Variants in SLC12A8 observed in about 807,000 individuals in gnomAD.
The protein encoded by SLC12A8 is solute carrier family 12 member 8.
In SLC12A8, 69 loss-of-function variants were observed where a neutral mutation model predicts 75.6. The observed-to-expected ratio is 0.91, with a 90% CI of 0.75 to 1.11. The LOEUF (loss-of-function observed/expected upper bound fraction) is 1.11. SLC12A8 is among the 50% of genes most tolerant of loss of function. SLC12A8 has a pLI of 0.00. For missense variants in SLC12A8, 877 were observed against 896.7 expected (o/e 0.98, Z 0.28); for synonymous variants, 365 against 372.8 (o/e 0.98, Z 0.24).
At chr3:125,171,926 T>TA (rs1274525303) in intron 5 of SLC12A8, among the ~76,000 whole-genome samples, 1,016 of 1,720 alleles carry the variant, frequency 0.59, 359 homozygotes, top group Middle Eastern at 1. Flanking sequence ...AAAAAAAAAT[T>TA]AAAAAAAAAA....
chr3:125,160,947 T>C (rs1298653536), intron 5 of SLC12A8, among the ~76,000 whole-genome samples: 1 of 152,218 alleles, frequency 6.6e-6, no homozygotes, highest in East Asian at 1.9e-4. Context: ...AGATTCCACA[T>C]GCCCGGGTTC....
intron 5 of SLC12A8, among the ~76,000 whole-genome samples, chr3:125,152,557 C>T (rs1933952868): frequency 6.6e-6 from 1 of 152,078 alleles, no homozygotes; most frequent in East Asian, 1.9e-4. Flanking sequence ...TAATAAAACC[C>T]CAAAATTATT....
At chr3:125,159,074 G>A (rs1934108026) in intron 5 of SLC12A8, among the ~76,000 whole-genome samples, 1 of 152,110 alleles carries the variant, frequency 6.6e-6, no homozygotes, top group African/African-American at 2.4e-5. Context: ...AGAGATATAC[G>A]AATACACCTT....
intron 6 of SLC12A8, among the ~76,000 whole-genome samples, chr3:125,135,101 G>A (rs1400469063): frequency 6.6e-6 from 1 of 152,228 alleles, no homozygotes; most frequent in African/African-American, 2.4e-5. Context: ...CTGCAGAGCA[G>A]GAACTTGGGG....
intron 6 of SLC12A8, among the ~76,000 whole-genome samples, chr3:125,131,110 CCT>C (rs1933345647): frequency 6.6e-6 from 1 of 152,174 alleles, no homozygotes; most frequent in South Asian, 2.1e-4. Context: ...TGTTTAATTC[CCT>C]CTGTTTTTCC....
intron 2 of SLC12A8, among the ~76,000 whole-genome samples, chr3:125,195,801 A>G (rs2137599): frequency 0.38 from 56,937 of 151,824 alleles, 10,850 homozygotes; most frequent in Non-Finnish European, 0.41. Context: ...TGGAAATCTG[A>G]TGTCGTCTGG....
intron 5 of SLC12A8, among the ~76,000 whole-genome samples, chr3:125,158,943 A>G (rs536089398): frequency 1.1e-4 from 16 of 152,180 alleles, no homozygotes; most frequent in Non-Finnish European, 2.2e-4. Context: ...TCTGTTTACA[A>G]AGCACTATTC....
rs1579485690 is a variant in SLC12A8 at position 125,121,495 on chromosome 3, T to C, written c.737-809A>G. 3.9e-5 allele frequency among the ~76,000 whole-genome samples: 6 copies of C among 152,308 alleles called. No homozygotes were observed. The South Asian group carries it at 1.2e-3, about 32-fold the overall frequency. On this transcript the variant is annotated intron_variant, in intron 6 of 13. Coordinates refer to ENST00000469902, the MANE Select transcript of SLC12A8 (RefSeq NM_024628.6). ...TTGAATGTGGCCTTGAAAGAGGGAT[T>C]TGAATGGGCTTAGGGATGGGAATGA...
intron 10 of SLC12A8, among the ~76,000 whole-genome samples, chr3:125,100,961 C>T (rs865884329): frequency 1.5e-5 from 2 of 133,188 alleles, no homozygotes; most frequent in Non-Finnish European, 3.1e-5. Context: ...TGCAGTGAGC[C>T]GAGATTGCGC....
At chr3:125,189,091 T>C (rs1472622676) in intron 3 of SLC12A8, among the ~76,000 whole-genome samples, 4 of 152,230 alleles carry the variant, frequency 2.6e-5, no homozygotes, top group Non-Finnish European at 5.9e-5. Flanking sequence ...CAGATGTGAT[T>C]AATATTTACT....
chr3:125,161,768 G>A (rs998461743), intron 5 of SLC12A8, among the ~76,000 whole-genome samples: 1 of 152,036 alleles, frequency 6.6e-6, no homozygotes, highest in African/African-American at 2.4e-5. Flanking sequence ...CGCAGACAAA[G>A]CTATCCCTGC....
At chr3:125,147,277 G>A (rs774076628) in intron 5 of SLC12A8, among the ~76,000 whole-genome samples, 1 of 152,208 alleles carries the variant, frequency 6.6e-6, no homozygotes, top group Non-Finnish European at 1.5e-5. Context: ...CCTTGAGTGA[G>A]TGTGCCTTTA....
chr3:125,202,695 A>T (rs978540518), intron 2 of SLC12A8, among the ~76,000 whole-genome samples: 1 of 151,526 alleles, frequency 6.6e-6, no homozygotes. Flanking sequence ...AATCTTGCTG[A>T]CCAAGGACAT....
intron 10 of SLC12A8, among the ~76,000 whole-genome samples, chr3:125,103,073 A>AG (rs1938924627): frequency 6.6e-6 from 1 of 152,138 alleles, no homozygotes; most frequent in Non-Finnish European, 1.5e-5. Context: ...TCCCTCCTCA[A>AG]GGGGGCTTTC....
At chr3:125,103,094 A>G (rs1190834585) in intron 10 of SLC12A8, among the ~76,000 whole-genome samples, 1 of 152,158 alleles carries the variant, frequency 6.6e-6, no homozygotes, top group Non-Finnish European at 1.5e-5. Context: ...CTTTGAAACA[A>G]TCAAGCCAGA....
chr3:125,156,782 C>T lies in SLC12A8; in HGVS notation c.622+20961G>A, dbSNP rs111867480. Among the ~76,000 whole-genome samples, 1,147 of 152,282 alleles carry T rather than the reference C, an allele frequency of 7.5e-3. 17 individuals carry two copies. Among genetic ancestry groups the T allele is most frequent in the African/African-American group, 0.026 (1,085 of 41,566 alleles). On this transcript the variant is annotated intron_variant, in intron 5 of 13. Transcript: ENST00000469902. ...GACAATTGCAACCACGTTTGAAGGG[C>T]CCCAGCCTCAGTCCCTCCCCATTTG... is the stretch of plus-strand genomic sequence containing the variant.
At chr3:125,099,864 G>C (rs1414567009) in intron 10 of SLC12A8, among the ~76,000 whole-genome samples, 1 of 151,862 alleles carries the variant, frequency 6.6e-6, no homozygotes, top group Non-Finnish European at 1.5e-5. Flanking sequence ...GGAGGTGGAG[G>C]TTGCAGTGAG....
intron 6 of SLC12A8, among the ~76,000 whole-genome samples, chr3:125,121,298 ACAGT>A (rs1933053253): frequency 6.6e-6 from 1 of 152,246 alleles, no homozygotes; most frequent in Non-Finnish European, 1.5e-5. Context: ...GACCCACAGC[ACAGT>A]GCTGCATGGT....
chr3:125,114,456 G>A (rs1251397176), intron 8 of SLC12A8, among the ~76,000 whole-genome samples: 9 of 152,126 alleles, frequency 5.9e-5, no homozygotes, highest in Non-Finnish European at 1.2e-4. Flanking sequence ...ACAGAGTTTC[G>A]CACTGTTGCC....
Sources: allele counts gnomAD v4.1 joint callset (sites outside exome capture counted in the v4.1 genomes callset), GRCh38; gene constraint gnomAD v4.1.1; transcripts MANE v1.5; gene names NCBI Gene and HGNC (gene_info 2026-07-23, HGNC 2026-07-21).